The following NUP133 variants were observed in gnomAD, a reference collection of about 807,000 sequenced individuals.
The protein encoded by NUP133 is nuclear pore complex protein Nup133.
NUP133 carries 66 observed loss-of-function variants against 146.2 expected under a neutral mutation model. The observed-to-expected ratio is 0.45, with a 90% CI of 0.37 to 0.55. NUP133 has a LOEUF of 0.55. Among genes scored for constraint, NUP133 ranks in the 20% least tolerant of loss-of-function variants. The pLI is 0.00. For missense variants in NUP133, 1,277 were observed against 1,374.8 expected (o/e 0.93, Z 1.12); for synonymous variants, 521 against 498.8 (o/e 1.04, Z -0.59).
At chr1:229,444,457 T>A (rs1660258879) in intron 25 of NUP133, among the ~76,000 whole-genome samples, 1 of 152,230 alleles carries the variant, frequency 6.6e-6, no homozygotes, top group South Asian at 2.1e-4. Context: ...CCCTTAAATA[T>A]TAGTGCTAGA....
intron 15 of NUP133, among the ~76,000 whole-genome samples, chr1:229,468,442 C>T (rs1660874429): frequency 6.6e-6 from 1 of 152,220 alleles, no homozygotes; most frequent in East Asian, 1.9e-4. Context: ...GACCAACGAA[C>T]ATCATGAGAA....
At chr1:229,494,446 G>A (rs1303612733) in intron 8 of NUP133, among the ~76,000 whole-genome samples, 5 of 152,130 alleles carry the variant, frequency 3.3e-5, no homozygotes, top group African/African-American at 1.2e-4. Context: ...CCCAAAACAT[G>A]TAACAAGAAC....
At chr1:229,496,756 A>C (rs910653586) in intron 6 of NUP133, among the ~76,000 whole-genome samples, 9 of 152,170 alleles carry the variant, frequency 5.9e-5, no homozygotes, top group African/African-American at 2.2e-4. Context: ...CCAAGGAGGG[A>C]GGCTCATTTG....
intron 15 of NUP133, among the ~76,000 whole-genome samples, chr1:229,467,506 C>T (rs1160454288): frequency 6.6e-6 from 1 of 152,228 alleles, no homozygotes; most frequent in Non-Finnish European, 1.5e-5. Context: ...TTTTGCAAAC[C>T]TTGTTCTTCC....
chr1:229,486,705 C>T (rs1023642552), intron 10 of NUP133, among the ~76,000 whole-genome samples, 177 bp from the exon 11 acceptor site: 6 of 152,086 alleles, frequency 3.9e-5, no homozygotes, highest in African/African-American at 1.2e-4. Context: ...TGCTAAGAAC[C>T]GGTTGCTATC....
intron 2 of NUP133, among the ~76,000 whole-genome samples, chr1:229,502,671 T>C (rs1370326350): frequency 6.6e-6 from 1 of 151,838 alleles, no homozygotes; most frequent in Non-Finnish European, 1.5e-5. Context: ...CCAGATAGCT[T>C]ATTTCCTATA....
chr1:229,500,676 A>C, intron 4 of NUP133, 80 bp downstream of exon 4: 1 of 811,048 alleles, frequency 1.2e-6, no homozygotes, highest in Non-Finnish European at 2.0e-6. Context: ...TATATCTCAA[A>C]ATCAAAGAGG....
intron 1 of NUP133, among the ~76,000 whole-genome samples, chr1:229,507,238 TAC>T (rs1169492648): frequency 6.6e-6 from 1 of 152,176 alleles, no homozygotes; most frequent in African/African-American, 2.4e-5. Context: ...AAGTCAAAGA[TAC>T]AGTGTATTCT....
chr1:229,505,564 TAAAAAAAAAAAAAAAA>T (rs56383157), intron 2 of NUP133, among the ~76,000 whole-genome samples: 7 of 63,242 alleles, frequency 1.1e-4, no homozygotes, highest in East Asian at 1.0e-3. Flanking sequence ...CAATTACAGT[TAAAAAAAAAAAAAAAA>T]AAAAAAAAAA....
intron 8 of NUP133, among the ~76,000 whole-genome samples, chr1:229,494,785 C>T (rs1661611522): frequency 6.6e-6 from 1 of 152,148 alleles, no homozygotes; most frequent in Non-Finnish European, 1.5e-5. Context: ...AAACATAGGC[C>T]TAAAGCTCCC....
At chr1:229,507,842 T>G (rs1206549317) in intron 1 of NUP133, 28 of 874,462 alleles carry the variant, frequency 3.2e-5, no homozygotes, top group Non-Finnish European at 3.7e-5. Context: ...ACTTCACTTC[T>G]GCACAAAGGT....
intron 15 of NUP133, among the ~76,000 whole-genome samples, chr1:229,467,923 CAA>C (rs1368540952): frequency 2.4e-4 from 17 of 70,942 alleles, no homozygotes; most frequent in Admixed American, 3.2e-4. Context: ...GACTCAGTCT[CAA>C]AAAAAAAAAA....
chr1:229,466,830 T>C lies in NUP133; in HGVS notation c.2077-74A>G, dbSNP rs1398570383. The C allele has an allele frequency of 5.4e-6, 8 of 1,470,724 alleles. No homozygotes were observed. The Admixed American group carries it at 1.4e-4, about 26-fold the overall frequency. The allele number at this position is 1,470,724 out of a possible 1,614,324, so 91.1% of individuals were successfully genotyped here. A position where few individuals can be genotyped will look rare whatever the true frequency, so the allele number is the denominator to read the frequency against. On this transcript the variant is annotated intron_variant, in intron 15 of 25. Transcript: ENST00000261396. ...TGGGTAACAACTACCCAGTGAGTTT[T>C]ACTCATTAAGCCATATCCTCAGACC...
At chr1:229,450,452 A>G (rs374607120) in intron 23 of NUP133, 73 bp downstream of exon 23, 7 of 700,906 alleles carry the variant, frequency 1.0e-5, no homozygotes, top group African/African-American at 9.2e-5. Flanking sequence ...TTCATGATTG[A>G]CTAAAAGAGG....
intron 14 of NUP133, among the ~76,000 whole-genome samples, chr1:229,473,578 C>T (rs1296732521): frequency 1.3e-5 from 2 of 152,148 alleles, no homozygotes; most frequent in African/African-American, 2.4e-5. Flanking sequence ...CCTGCCGGCC[C>T]AGTATGCATA....
At position 229,472,707 on chromosome 1, in the gene NUP133, C is replaced by CATACATATATAT. The variant is rs58951309; in HGVS notation, c.1852-1904_1852-1903insATATATATGTAT. Among the ~76,000 whole-genome samples the CATACATATATAT allele has an allele frequency of 3.9e-4, 49 of 124,312 alleles. 3 individuals are homozygous for CATACATATATAT. Among genetic ancestry groups the CATACATATATAT allele is most frequent in the African/African-American group, 1.5e-3 (49 of 31,986 alleles). The allele number at this position is 124,312 out of a possible 152,430, so 81.6% of individuals were successfully genotyped here. On this transcript the variant is annotated intron_variant, in intron 14 of 25. Transcript: ENST00000261396. ...CAAAAAAATTAAAAAACTAAATATACATATATATATATATATATATGTACA... is the reference window on the plus strand; with the variant it reads ...CAAAAAAATTAAAAAACTAAATATACATACATATATATATATATATATATATATATATGTACA...
intron 2 of NUP133, among the ~76,000 whole-genome samples, chr1:229,503,939 C>T (rs1013317520): frequency 6.6e-6 from 1 of 151,822 alleles, no homozygotes; most frequent in African/African-American, 2.4e-5. Flanking sequence ...TAAATGTAAA[C>T]TGAAATTTTT....
At chr1:229,477,834 T>C in intron 12 of NUP133, 74 bp from the exon 13 acceptor site, 3 of 1,137,440 alleles carry the variant, frequency 2.6e-6, no homozygotes, top group Middle Eastern at 2.8e-4. Flanking sequence ...AAAAATTAAT[T>C]ATGGACTACT....
chr1:229,507,895 T>C, intron 1 of NUP133, 173 bp downstream of exon 1: 2 of 984,832 alleles, frequency 2.0e-6, no homozygotes, highest in Non-Finnish European at 2.4e-6. Flanking sequence ...GATCAACTGA[T>C]AATCAAAACG....
Sources: allele counts gnomAD v4.1 joint callset (sites outside exome capture counted in the v4.1 genomes callset), GRCh38; gene constraint gnomAD v4.1.1; transcripts MANE v1.5; gene names NCBI Gene and HGNC (gene_info 2026-07-23, HGNC 2026-07-21).